Variants in HOMER1 observed in about 807,000 individuals in gnomAD.
HOMER1 encodes the protein homer protein homolog 1.
HOMER1 carries 3 observed loss-of-function variants against 48.9 expected under a neutral mutation model. The ratio of observed to expected loss-of-function variants is 0.06; its 90% CI spans 0.03 to 0.16. The LOEUF (loss-of-function observed/expected upper bound fraction) is 0.16. Ranked by LOEUF, HOMER1 falls within the 10% of genes least tolerant of loss-of-function variation. HOMER1 has a pLI of 1.00. For missense variants in HOMER1, 247 were observed against 411.4 expected (o/e 0.60, Z 3.46); for synonymous variants, 134 against 146.4 (o/e 0.92, Z 0.61).
intron 8 of HOMER1, among the ~76,000 whole-genome samples, chr5:79,377,828 T>G (rs1748814613): frequency 6.6e-6 from 1 of 152,130 alleles, no homozygotes; most frequent in South Asian, 2.1e-4. Flanking sequence ...GTTCTGGTGT[T>G]GAAATTACAG....
chr5:79,438,698 A>T (rs1750660520), intron 5 of HOMER1, among the ~76,000 whole-genome samples: 1 of 152,176 alleles, frequency 6.6e-6, no homozygotes, highest in African/African-American at 2.4e-5. Flanking sequence ...GCTATGTTAA[A>T]AGACAGGTAG....
chr5:79,485,549 T>C (rs1018539016), intron 1 of HOMER1, among the ~76,000 whole-genome samples: 4 of 152,184 alleles, frequency 2.6e-5, no homozygotes, highest in African/African-American at 9.7e-5. Context: ...ATATTTAGAT[T>C]TGTAAGTAAC....
intron 1 of HOMER1, among the ~76,000 whole-genome samples, chr5:79,495,353 C>G (rs996253345): frequency 6.6e-6 from 1 of 152,154 alleles, no homozygotes; most frequent in Non-Finnish European, 1.5e-5. Flanking sequence ...ATACATCTTC[C>G]CCTCCCCCAA....
At chr5:79,396,936 A>G (rs1749401897) in intron 7 of HOMER1, 33 bp from the exon 8 acceptor site, 1 of 1,211,156 alleles carries the variant, frequency 8.3e-7, no homozygotes, top group African/African-American at 1.5e-5. Flanking sequence ...TTAACATTCA[A>G]ACTATATCAA....
At chr5:79,415,228 ATT>A (rs1002499757) in intron 5 of HOMER1, among the ~76,000 whole-genome samples, 1 of 142,886 alleles carries the variant, frequency 7.0e-6, no homozygotes. Context: ...TATTTTTTGT[ATT>A]TTTTTTTTTT....
intron 2 of HOMER1, among the ~76,000 whole-genome samples, chr5:79,454,097 G>A (rs964596636): frequency 6.6e-6 from 1 of 152,126 alleles, no homozygotes; most frequent in South Asian, 2.1e-4. Flanking sequence ...TTCAGAAATG[G>A]AAAAATGCAA....
intron 2 of HOMER1, among the ~76,000 whole-genome samples, chr5:79,454,683 G>A (rs76608515): frequency 1.3e-3 from 197 of 152,218 alleles, no homozygotes; most frequent in African/African-American, 4.4e-3. Context: ...TGCAAATAGC[G>A]CTTAGGGTCT....
chr5:79,437,117 A>G (rs1750603464), intron 5 of HOMER1, among the ~76,000 whole-genome samples: 1 of 152,210 alleles, frequency 6.6e-6, no homozygotes, highest in Admixed American at 6.5e-5. Context: ...TCCAGGTAGT[A>G]ACTCCAAATA....
chr5:79,476,069 C>T (rs1464811489), intron 1 of HOMER1, among the ~76,000 whole-genome samples: 1 of 152,098 alleles, frequency 6.6e-6, no homozygotes, highest in African/African-American at 2.4e-5. Flanking sequence ...TTATACCTGA[C>T]AACAGTAATA....
At chr5:79,510,571 C>A (rs750311797) in intron 1 of HOMER1, 6 of 784,898 alleles carry the variant, frequency 7.6e-6, no homozygotes, top group Admixed American at 6.9e-5. Context: ...TGCAGTTTGC[C>A]AAGAAACACA....
chr5:79,413,126 T>C (rs573803851), intron 5 of HOMER1, among the ~76,000 whole-genome samples: 5 of 152,226 alleles, frequency 3.3e-5, no homozygotes, highest in African/African-American at 1.2e-4. Flanking sequence ...GGAGAAAAAT[T>C]TGATAGAGCC....
chr5:79,460,389 C>A (rs1043676530), intron 1 of HOMER1, among the ~76,000 whole-genome samples: 1 of 152,204 alleles, frequency 6.6e-6, no homozygotes, highest in African/African-American at 2.4e-5. Context: ...GATCATGCCA[C>A]TGCACTCCAA....
chr5:79,379,956 A>G (rs1418178134), intron 8 of HOMER1, among the ~76,000 whole-genome samples: 1 of 152,198 alleles, frequency 6.6e-6, no homozygotes, highest in Non-Finnish European at 1.5e-5. Context: ...GCTGACTAGA[A>G]GCAATTTGTA....
chr5:79,504,528 GA>G (rs1752694762), intron 1 of HOMER1, among the ~76,000 whole-genome samples: 1 of 152,010 alleles, frequency 6.6e-6, no homozygotes, highest in Non-Finnish European at 1.5e-5. Flanking sequence ...TATCTTCCAG[GA>G]AGACTGACTG....
chr5:79,437,202 T>C (rs1023758677), intron 5 of HOMER1, among the ~76,000 whole-genome samples: 3 of 152,206 alleles, frequency 2.0e-5, no homozygotes, highest in Non-Finnish European at 4.4e-5. Context: ...CTTTTACAAA[T>C]GTTAAATACA....
intron 1 of HOMER1, among the ~76,000 whole-genome samples, chr5:79,480,255 G>C (rs1751910775): frequency 6.6e-6 from 1 of 152,138 alleles, no homozygotes; most frequent in Non-Finnish European, 1.5e-5. Context: ...GGGAAAGGTG[G>C]AGAAAAACAT....
At chr5:79,507,692 C>T (rs1206501516) in intron 1 of HOMER1, among the ~76,000 whole-genome samples, 1 of 142,048 alleles carries the variant, frequency 7.0e-6, no homozygotes, top group Non-Finnish European at 1.5e-5. Context: ...ATAAATACTT[C>T]AACTAAACAC....
At chr5:79,387,071 C>T (rs80257997) in intron 8 of HOMER1, among the ~76,000 whole-genome samples, 1 of 124,008 alleles carries the variant, frequency 8.1e-6, no homozygotes, top group Non-Finnish European at 1.7e-5. Flanking sequence ...TCCTTTCTTT[C>T]TCTATCTCTC....
intron 5 of HOMER1, among the ~76,000 whole-genome samples, chr5:79,421,694 C>G (rs1398190628): frequency 6.6e-6 from 1 of 151,652 alleles, no homozygotes; most frequent in African/African-American, 2.4e-5. Flanking sequence ...CAACCTCCAT[C>G]TCCGGGTTCA....
Sources: gnomAD v4.1 joint callset for allele counts (sites outside exome capture counted in the v4.1 genomes callset) on GRCh38, gnomAD v4.1.1 for gene constraint, MANE v1.5 for transcripts, NCBI Gene and HGNC (gene_info 2026-07-23, HGNC 2026-07-21) for gene names.